NOL8: variants seen among roughly 807,000 people sequenced by gnomAD.
NOL8 encodes nucleolar protein Nop132.
NOL8 carries 93 observed loss-of-function variants against 116.1 expected under a neutral mutation model. The ratio of observed to expected loss-of-function variants is 0.80; its 90% CI spans 0.68 to 0.95. The LOEUF (loss-of-function observed/expected upper bound fraction) is 0.95, where lower values mean the gene tolerates loss of function less well. Among genes scored for constraint, NOL8 ranks in the 40% least tolerant of loss-of-function variants. The pLI is 0.00. For synonymous variants in NOL8, 419 were observed against 469.0 expected, an observed-to-expected ratio of 0.89 and a Z score of 1.38; for missense variants, 1,291 against 1,382.8, an observed-to-expected ratio of 0.93 and a Z score of 1.05.
intron 10 of NOL8, among the ~76,000 whole-genome samples, chr9:92,308,316 T>C (rs1838460866): frequency 6.6e-6 from 1 of 152,136 alleles, no homozygotes; most frequent in Non-Finnish European, 1.5e-5. Flanking sequence ...AAGCTATGAC[T>C]GTGCCACTGC....
At chr9:92,313,133 ACTTACAATTCCT>A (rs1839003241) in intron 7 of NOL8, among the ~76,000 whole-genome samples, 1 of 152,224 alleles carries the variant, frequency 6.6e-6, no homozygotes, top group South Asian at 2.1e-4. Flanking sequence ...TAAGACAGAA[ACTTACAATTCCT>A]CTTTCTATCC....
chr9:92,319,738 CTA>C (rs1839761330), intron 4 of NOL8, among the ~76,000 whole-genome samples: 1 of 152,206 alleles, frequency 6.6e-6, no homozygotes, highest in Non-Finnish European at 1.5e-5. Context: ...GAAAACATCA[CTA>C]TGATTGCTGT....
chr9:92,316,373 T>G (rs896119753), intron 6 of NOL8, among the ~76,000 whole-genome samples: 13 of 152,176 alleles, frequency 8.5e-5, no homozygotes, highest in African/African-American at 3.1e-4. Flanking sequence ...AGAAATTACT[T>G]GGAGTGTATG....
At chr9:92,303,706 G>T (rs945401591) in intron 12 of NOL8, among the ~76,000 whole-genome samples, 1 of 152,216 alleles carries the variant, frequency 6.6e-6, no homozygotes, top group Admixed American at 6.5e-5. Flanking sequence ...GTGGGAGGCT[G>T]AGGTGGGAGG....
At chr9:92,321,590 T>G (rs1203741020) in intron 4 of NOL8, 78 bp downstream of exon 4, 1 of 793,500 alleles carries the variant, frequency 1.3e-6, no homozygotes, top group East Asian at 2.8e-5. Context: ...CTATATTACT[T>G]GATAATTTGA....
chr9:92,324,301 T>C, intron 1 of NOL8, 92 bp from the exon 2 acceptor site: 1 of 1,025,268 alleles, frequency 9.8e-7, no homozygotes, highest in Non-Finnish European at 1.4e-6. Flanking sequence ...ATCCGTCTCC[T>C]GGATCTGTAT....
intron 12 of NOL8, among the ~76,000 whole-genome samples, chr9:92,303,061 G>T (rs1351184536): frequency 6.6e-6 from 1 of 152,062 alleles, no homozygotes; most frequent in Non-Finnish European, 1.5e-5. Context: ...AAGTGTTAAA[G>T]GTATATTCTG....
intron 6 of NOL8, 33 bp from the exon 7 acceptor site, chr9:92,316,171 T>A: frequency 6.3e-7 from 1 of 1,576,754 alleles, no homozygotes; most frequent in Non-Finnish European, 8.6e-7. Context: ...ACTAAAGCAC[T>A]TGGTTTTAGG....
At chr9:92,310,097 C>T in intron 10 of NOL8, 74 bp downstream of exon 10, 1 of 1,031,036 alleles carries the variant, frequency 9.7e-7, no homozygotes, top group Non-Finnish European at 1.5e-6. Context: ...ATGTGTTAAA[C>T]AAAGGAGGTA....
Position 92,315,311 on chromosome 9 carries a change from G to A in NOL8, c.1314C>T (p.Leu438=). The change falls in exon 7 of 17, where the codon CTC becomes CTT. Residue 438 remains leucine, a synonymous_variant. Coordinates refer to ENST00000442668, the MANE Select transcript of NOL8 (RefSeq NM_017948.6). ...QKRKSNVESA[L]SHGLKSLNRK... is the part of the protein sequence containing the mutation. ...GATTAAGAGACTTTAATCCATGACTGAGGGCTGACTCTACATTGCTTTTTC... is the reference window on the plus strand; with the variant it reads ...GATTAAGAGACTTTAATCCATGACTAAGGGCTGACTCTACATTGCTTTTTC... 6.2e-7 allele frequency: 1 copy of A among 1,613,910 alleles called. No individual in the cohort carries two copies. The highest frequency in any genetic ancestry group is 2.2e-5 in the East Asian group (1 of 44,882).
intron 12 of NOL8, among the ~76,000 whole-genome samples, chr9:92,302,146 C>T (rs1210914022): frequency 2.0e-5 from 3 of 152,148 alleles, no homozygotes; most frequent in African/African-American, 7.2e-5. Context: ...AATCACTTAG[C>T]TTCACTAGGC....
chr9:92,300,893 T>C (rs907951556), intron 13 of NOL8: 11 of 1,011,808 alleles, frequency 1.1e-5, no homozygotes, highest in African/African-American at 5.1e-5. Flanking sequence ...GTAGAATCAT[T>C]GTAGTTAGGT....
intron 6 of NOL8, among the ~76,000 whole-genome samples, chr9:92,318,241 C>G (rs1046143064): frequency 6.6e-6 from 1 of 152,018 alleles, no homozygotes; most frequent in Non-Finnish European, 1.5e-5. Flanking sequence ...TATTCCTACT[C>G]CCAAGACTAC....
Position 92,319,306 on chromosome 9 carries a change from GT to G in NOL8, c.331del (p.Thr111GlnfsTer7), listed in dbSNP as rs768449839. ...AAKAKKEEST[T>X]GNANLLEKTG... ...CTTTTCTAACAAGTTGGCGTTACCT[GT>G]TGTTGATTCTTCTTTCTTAGCTTTT... On this transcript the variant is annotated frameshift_variant, in exon 5 of 17. Coordinates refer to ENST00000442668, the MANE Select transcript of NOL8 (RefSeq NM_017948.6). LOFTEE classifies it high-confidence loss of function. The G allele has an allele frequency of 1.3e-6, 2 of 1,597,842 alleles. No homozygotes were observed. Among genetic ancestry groups the G allele is most frequent in the Non-Finnish European group, 1.7e-6 (2 of 1,173,932 alleles).
chr9:92,310,805 G>C, intron 8 of NOL8, 130 bp from the exon 9 acceptor site: 1 of 987,064 alleles, frequency 1.0e-6, no homozygotes, highest in Non-Finnish European at 1.5e-6. Context: ...TAAATGGCAG[G>C]TCAGGTGGAA....
Position 92,319,372 on chromosome 9 carries a change from A to G in NOL8, c.282-16T>C, listed in dbSNP as rs1839722457. 1 of 1,525,760 alleles carries G rather than the reference A, an allele frequency of 6.6e-7. No individual in the cohort carries two copies. The highest frequency in any genetic ancestry group is 2.5e-5 in the East Asian group (1 of 39,910). The allele number at this position is 1,525,760 out of a possible 1,614,324, so 94.5% of individuals were successfully genotyped here. On this transcript the variant is annotated splice_polypyrimidine_tract_variant and intron_variant, in intron 4 of 16. Coordinates refer to ENST00000442668, the MANE Select transcript of NOL8 (RefSeq NM_017948.6). ...TTGGGCCAATCTGAATCAAAAAGAAAATACAAATAAAAGAGTCAAAATAAT... is the reference window on the plus strand; with the variant it reads ...TTGGGCCAATCTGAATCAAAAAGAAGATACAAATAAAAGAGTCAAAATAAT...
At chr9:92,323,651 TAAA>T in intron 2 of NOL8, 148 bp from the exon 3 acceptor site, 2 of 620,976 alleles carry the variant, frequency 3.2e-6, no homozygotes, top group East Asian at 3.0e-5. Flanking sequence ...TTATTGGCTA[TAAA>T]AATAAGCATA....
Position 92,315,845 on chromosome 9 carries a change from A to C in NOL8, c.780T>G (p.Asp260Glu). 1 of 1,613,972 alleles carries C rather than the reference A, an allele frequency of 6.2e-7. No homozygotes were observed. Among genetic ancestry groups the C allele is most frequent in the Non-Finnish European group, 8.5e-7 (1 of 1,179,876 alleles). ...GAGATGATTTAGAAGGAGTAATGGA[A>C]TCACAAGTTCTTTTTTGTGCAGCCT... ...QQQAAQKRTC[D>E]SITPSKSSPV... The change falls in exon 7 of 17, where the codon GAT (aspartate) becomes GAG (glutamate). Residue 260 changes from aspartate to glutamate, a missense_variant. Physicochemically the swap from Asp to Glu is conservative, Grantham distance 45. Transcript: ENST00000442668.
intron 10 of NOL8, among the ~76,000 whole-genome samples, chr9:92,308,063 T>G (rs1189264125): frequency 6.6e-6 from 1 of 152,214 alleles, no homozygotes; most frequent in Non-Finnish European, 1.5e-5. Flanking sequence ...CTGGCTGTGC[T>G]GCTTACTTGA....
Sources: gnomAD v4.1 joint callset for allele counts (sites outside exome capture counted in the v4.1 genomes callset) on GRCh38, gnomAD v4.1.1 for gene constraint, MANE v1.5 for transcripts, NCBI Gene and HGNC (gene_info 2026-07-23, HGNC 2026-07-21) for gene names.